Variants in NT5C2 observed in about 807,000 individuals in gnomAD.
The protein encoded by NT5C2 is 5'-nucleotidase, cytosolic II, also known as cytosolic purine 5'-nucleotidase.
Under a neutral mutation model 76.1 loss-of-function variants are expected in NT5C2, and 58 were observed. The observed-to-expected ratio is 0.76, with a 90% CI of 0.62 to 0.95. NT5C2 has a LOEUF of 0.95. Ranked by LOEUF, NT5C2 falls within the 40% of genes least tolerant of loss-of-function variation. The pLI is 0.00. For synonymous variants in NT5C2, 229 were observed against 237.4 expected, an observed-to-expected ratio of 0.96 and a Z score of 0.32; for missense variants, 478 against 690.3, an observed-to-expected ratio of 0.69 and a Z score of 3.45.
chr10:103,175,016 T>C, intron 2 of NT5C2, 34 bp from the exon 3 acceptor site: 1 of 1,233,312 alleles, frequency 8.1e-7, no homozygotes, highest in South Asian at 1.2e-5. Context: ...AGTAACTTAA[T>C]ATTGGCATCT....
At position 103,089,722 on chromosome 10, in the gene NT5C2, G is replaced by A; in HGVS notation, c.1636C>T (p.His546Tyr). The change falls in exon 19 of 19, where the codon CAC (histidine) becomes TAC (tyrosine). Residue 546 changes from histidine to tyrosine, a missense_variant. By Grantham distance (83) the His-to-Tyr change is moderately conservative. Transcript: ENST00000404739. Reference protein sequence around the residue: ...LFPLAPQEITHCHDEDDDEEE... With the variant: ...LFPLAPQEITYCHDEDDDEEE... ...TCATCATCATCTTCGTCATGGCAGT[G>A]TGTAATTTCCTGGGGGGCCAGTGGG... The A allele has an allele frequency of 6.2e-7, 1 of 1,613,424 alleles. No individual in the cohort carries two copies. Among genetic ancestry groups the A allele is most frequent in the Non-Finnish European group, 8.5e-7 (1 of 1,179,760 alleles).
intron 4 of NT5C2, among the ~76,000 whole-genome samples, chr10:103,114,778 CTA>C (rs2073948798): frequency 6.6e-6 from 1 of 152,178 alleles, no homozygotes; most frequent in African/African-American, 2.4e-5. Context: ...AAAAGAACCT[CTA>C]TGTGGTAACT....
chr10:103,106,767 A>G (rs1043179343), intron 4 of NT5C2, 61 bp from the exon 5 acceptor site: 9 of 988,984 alleles, frequency 9.1e-6, no homozygotes, highest in African/African-American at 1.6e-5. Context: ...AACAGAATGC[A>G]AATGAATGAA....
At chr10:103,155,413 C>T (rs1014864519) in intron 3 of NT5C2, among the ~76,000 whole-genome samples, 4 of 152,112 alleles carry the variant, frequency 2.6e-5, no homozygotes, top group Admixed American at 6.5e-5. Flanking sequence ...TTAAAATTTA[C>T]AAAACTTAAA....
At position 103,094,362 on chromosome 10, in the gene NT5C2, G is replaced by A. The variant is rs745869293; in HGVS notation, c.907C>T (p.Arg303Cys). Residue 303 changes from arginine to cysteine, a missense_variant, in exon 13 of 19, where the codon CGT becomes TGT. Transcript: ENST00000404739. ...TCATGACTTACAGTATCCACCTGACGCAGTACTGTGCCTTCTCCAAAAAAG... is the reference window on the plus strand; with the variant it reads ...TCATGACTTACAGTATCCACCTGACACAGTACTGTGCCTTCTCCAAAAAAG... ...PLFFGEGTVLRQVDTKTGKLK... is the reference protein window; with the variant it reads ...PLFFGEGTVLCQVDTKTGKLK... 6 of 1,595,616 alleles carry A rather than the reference G, an allele frequency of 3.8e-6. No homozygotes were observed. Among genetic ancestry groups the A allele is most frequent in the South Asian group, 2.2e-5 (2 of 90,670 alleles).
At chr10:103,159,931 T>C (rs185199957) in intron 3 of NT5C2, among the ~76,000 whole-genome samples, 1 of 152,260 alleles carries the variant, frequency 6.6e-6, no homozygotes, top group African/African-American at 2.4e-5. Flanking sequence ...CATATGGATA[T>C]AGAAGGGCAC....
intron 4 of NT5C2, chr10:103,125,481 C>T (rs2135833903): frequency 9.2e-6 from 2 of 216,460 alleles, no homozygotes; most frequent in South Asian, 1.2e-4. Flanking sequence ...ATTACTCTCA[C>T]TTAACAGCTG....
intron 3 of NT5C2, among the ~76,000 whole-genome samples, chr10:103,173,692 C>G (rs12257472): frequency 6.7e-6 from 1 of 150,028 alleles, no homozygotes; most frequent in Non-Finnish European, 1.5e-5. Flanking sequence ...TTTGGGAGGC[C>G]GAGGCAGGTG....
intron 5 of NT5C2, 139 bp from the exon 6 acceptor site, chr10:103,105,940 A>G (rs960249489): frequency 1.8e-6 from 1 of 554,490 alleles, no homozygotes; most frequent in African/African-American, 1.9e-5. Flanking sequence ...ATATAGCTAA[A>G]GTGAGTAAAA....
rs775879034 is a variant in NT5C2, at chr10:103,097,297, A to G, written c.765T>C (p.Tyr255=). 1.7e-5 allele frequency: 27 copies of G among 1,610,452 alleles called. No homozygotes were observed. In the East Asian group the frequency reaches 2.7e-4, roughly 16 times the overall value. Residue 255 remains tyrosine, a synonymous_variant, in exon 11 of 19, where the codon TAT becomes TAC. Coordinates refer to ENST00000404739, the MANE Select transcript of NT5C2 (RefSeq NM_001351169.2). The part of the protein sequence containing the change: ...VFLATNSDYK[Y]TDKIMTYLFD... ...ATACACATGAAGCACTTACATCTGT[A>G]TATTTATAGTCACTGTTGGTAGCAA... is the stretch of plus-strand genomic sequence containing the variant.
chr10:103,153,915 CTTCA>C (rs2082842553), intron 3 of NT5C2: 1 of 383,286 alleles, frequency 2.6e-6, no homozygotes, highest in African/African-American at 2.2e-5. Flanking sequence ...TTTTTTCTGA[CTTCA>C]TTAACTGCTT....
At chr10:103,183,260 GTGATATATATATATATATAT>G (rs1482514120) in intron 1 of NT5C2, among the ~76,000 whole-genome samples, 1 of 38,796 alleles carries the variant, frequency 2.6e-5, no homozygotes, top group African/African-American at 1.2e-4. Flanking sequence ...ATGTGTGTGT[GTGATATATATATATATATAT>G]ATATATATAT....
At chr10:103,154,567 T>G (rs1346412066) in intron 3 of NT5C2, among the ~76,000 whole-genome samples, 1 of 152,178 alleles carries the variant, frequency 6.6e-6, no homozygotes, top group African/African-American at 2.4e-5. Flanking sequence ...TTTGGAACTT[T>G]GAATAAGTTA....
chr10:103,151,283 G>A (rs1004018622), intron 3 of NT5C2, among the ~76,000 whole-genome samples: 4 of 152,084 alleles, frequency 2.6e-5, no homozygotes, highest in Admixed American at 2.6e-4. Flanking sequence ...TGACCAACAT[G>A]GAGAAATCCT....
chr10:103,147,276 G>A lies in NT5C2; in HGVS notation c.102-7797C>T, dbSNP rs150853343. On this transcript the variant is annotated intron_variant, in intron 3 of 18. Coordinates refer to ENST00000404739, the MANE Select transcript of NT5C2 (RefSeq NM_001351169.2). Reference sequence around the variant, plus strand: ...CTTAAAGTTCAAAAACTTTCATTTTGTCAAAATCAGTTTGATCTTACATTG... The same window carrying A: ...CTTAAAGTTCAAAAACTTTCATTTTATCAAAATCAGTTTGATCTTACATTG... 1.5e-3 allele frequency among the ~76,000 whole-genome samples: 224 copies of A among 152,220 alleles called. 2 individuals carry two copies. The highest frequency in any genetic ancestry group is 4.1e-3 in the Admixed American group (62 of 15,300).
chr10:103,124,222 T>C (rs1338489298), intron 4 of NT5C2, among the ~76,000 whole-genome samples: 2 of 152,180 alleles, frequency 1.3e-5, no homozygotes, highest in African/African-American at 4.8e-5. Flanking sequence ...TTTTTTTTTT[T>C]TTAATTTAAA....
At chr10:103,186,952 G>A (rs553186287) in intron 1 of NT5C2, among the ~76,000 whole-genome samples, 1 of 150,300 alleles carries the variant, frequency 6.7e-6, no homozygotes, top group East Asian at 2.0e-4. Context: ...CCAGATTTGT[G>A]AAAGATTCTA....
intron 4 of NT5C2, among the ~76,000 whole-genome samples, chr10:103,121,220 T>C (rs936822879): frequency 9.8e-5 from 15 of 152,310 alleles, no homozygotes; most frequent in African/African-American, 3.4e-4. Flanking sequence ...ATTGTGCAAC[T>C]TTGTGAATGT....
At position 103,156,043 on chromosome 10, in the gene NT5C2, G is replaced by T. The variant is rs1488512913; in HGVS notation, c.102-16564C>A. On this transcript the variant is annotated intron_variant, in intron 3 of 18. Coordinates refer to ENST00000404739, the MANE Select transcript of NT5C2 (RefSeq NM_001351169.2). ...TAGCCAGGTATGGTGGCATGCACCT[G>T]TAGTCCCAGGTACTTGGGAGGCTGA... Among the ~76,000 whole-genome samples the T allele has an allele frequency of 2.0e-5, 3 of 152,094 alleles. No individual in the cohort carries two copies. The East Asian group carries it at 5.8e-4, about 29-fold the overall frequency.
Sources: gnomAD v4.1 joint callset for allele counts (sites outside exome capture counted in the v4.1 genomes callset) on GRCh38, gnomAD v4.1.1 for gene constraint, MANE v1.5 for transcripts, NCBI Gene and HGNC (gene_info 2026-07-23, HGNC 2026-07-21) for gene names.